Variants in DLG2 observed in about 807,000 individuals in gnomAD.
DLG2 encodes disks large homolog 2.
Under a neutral mutation model 132.5 loss-of-function variants are expected in DLG2, and 45 were observed. The ratio of observed to expected loss-of-function variants is 0.34; its 90% confidence interval spans 0.27 to 0.44. The LOEUF (loss-of-function observed/expected upper bound fraction) is 0.44, where lower values mean the gene tolerates loss of function less well. DLG2 is among the 20% of genes least tolerant of loss of function. The pLI is 1.00. For missense variants in DLG2, 1,045 were observed against 1,196.9 expected, an observed-to-expected ratio of 0.87 and a Z score of 1.87; for synonymous variants, 424 against 419.6, an observed-to-expected ratio of 1.01 and a Z score of -0.13.
rs60380267 is a variant in DLG2 at position 83,463,351 on chromosome 11, C to A, written c.2730-1258G>T. ...ACTCTTGTTGCTAAACTCATCTTGT[C>A]CTGAGGGGTGTTATGTATAATTTTT... On this transcript the variant is annotated intron_variant, in intron 26 of 27. Coordinates refer to ENST00000376104, the MANE Select transcript of DLG2 (RefSeq NM_001142699.3). Among the ~76,000 whole-genome samples, 1,080 of 151,894 alleles carry A rather than the reference C, an allele frequency of 7.1e-3. 11 individuals carry two copies. The highest frequency in any genetic ancestry group is 0.025 in the African/African-American group (1,027 of 41,420).
chr11:85,496,966 G>A (rs1280481502), intron 3 of DLG2, among the ~76,000 whole-genome samples: 11 of 152,042 alleles, frequency 7.2e-5, no homozygotes, highest in African/African-American at 2.4e-4. Flanking sequence ...CCACAAAGAC[G>A]GGGAGAAACC....
chr11:83,960,126 C>A (rs1346122065), intron 14 of DLG2, among the ~76,000 whole-genome samples: 3 of 152,018 alleles, frequency 2.0e-5, no homozygotes, highest in Non-Finnish European at 4.4e-5. Flanking sequence ...TATCCCACTA[C>A]CACAAATGCC....
intron 3 of DLG2, among the ~76,000 whole-genome samples, chr11:85,583,122 G>C (rs11821637): frequency 7.9e-4 from 39 of 49,154 alleles, no homozygotes; most frequent in African/African-American, 2.5e-3. Context: ...GTGTGTGTGT[G>C]TGTGTGTGTA....
At chr11:85,590,157 T>C (rs1274359217) in intron 3 of DLG2, among the ~76,000 whole-genome samples, 1 of 152,092 alleles carries the variant, frequency 6.6e-6, no homozygotes, top group Admixed American at 6.5e-5. Flanking sequence ...CAGAGCCTAA[T>C]GTGGTGTCTC....
At chr11:84,136,258 A>C (rs1321855849) in intron 9 of DLG2, among the ~76,000 whole-genome samples, 1 of 152,168 alleles carries the variant, frequency 6.6e-6, no homozygotes, top group African/African-American at 2.4e-5. Context: ...AAGAAAAATG[A>C]CTTTCATAGA....
intron 3 of DLG2, among the ~76,000 whole-genome samples, chr11:85,467,074 T>TG (rs1436875399): frequency 1.3e-5 from 2 of 152,208 alleles, no homozygotes; most frequent in African/African-American, 4.8e-5. Flanking sequence ...TTGAAGCAAC[T>TG]GTGAATGGGA....
chr11:84,255,822 T>C (rs2097459835), intron 7 of DLG2, among the ~76,000 whole-genome samples: 1 of 152,096 alleles, frequency 6.6e-6, no homozygotes, highest in African/African-American at 2.4e-5. Context: ...GCAAGATTTT[T>C]GAAACTATAA....
chr11:85,164,521 T>A (rs2078282480), intron 4 of DLG2, among the ~76,000 whole-genome samples: 1 of 152,196 alleles, frequency 6.6e-6, no homozygotes, highest in South Asian at 2.1e-4. Context: ...AATTATGCTC[T>A]CATAGAAATA....
intron 6 of DLG2, among the ~76,000 whole-genome samples, chr11:84,809,476 G>C (rs1269659738): frequency 6.6e-6 from 1 of 151,054 alleles, no homozygotes; most frequent in East Asian, 1.9e-4. Flanking sequence ...AAATAAGACT[G>C]TTCCTATTTG....
At chr11:85,251,935 A>C (rs2076415688) in intron 4 of DLG2, among the ~76,000 whole-genome samples, 1 of 152,202 alleles carries the variant, frequency 6.6e-6, no homozygotes, top group Non-Finnish European at 1.5e-5. Context: ...TTACATTAAA[A>C]AGACAATTAT....
chr11:83,745,604 C>T (rs1364486597), intron 18 of DLG2, among the ~76,000 whole-genome samples: 1 of 152,012 alleles, frequency 6.6e-6, no homozygotes, highest in African/African-American at 2.4e-5. Flanking sequence ...GAGTTCGAGA[C>T]CAGCCTGGCC....
rs576626730 is a variant in DLG2, at chr11:84,497,411, G to T, written c.519+37159C>A. Among the ~76,000 whole-genome samples, 139 of 152,202 alleles carry T rather than the reference G, an allele frequency of 9.1e-4. 1 individual carries two copies. Among genetic ancestry groups the T allele is most frequent in the African/African-American group, 3.2e-3 (131 of 41,522 alleles). On this transcript the variant is annotated intron_variant, in intron 7 of 27. Coordinates refer to ENST00000376104, the MANE Select transcript of DLG2 (RefSeq NM_001142699.3). ...ACCCTATGGACCCTATAGTCCCAGA[G>T]TTGGGACTCTACTTGAAGCATCCTA...
At chr11:83,911,059 G>C (rs1277180314) in intron 15 of DLG2, among the ~76,000 whole-genome samples, 1 of 152,124 alleles carries the variant, frequency 6.6e-6, no homozygotes, top group African/African-American at 2.4e-5. Flanking sequence ...CTCCAAAGAA[G>C]ATAGGCACTC....
chr11:84,014,830 T>C (rs1026458202), intron 11 of DLG2, among the ~76,000 whole-genome samples: 5 of 143,978 alleles, frequency 3.5e-5, no homozygotes, highest in African/African-American at 5.7e-5. Flanking sequence ...CTAATCCTGA[T>C]ACAGACTTTT....
intron 6 of DLG2, among the ~76,000 whole-genome samples, chr11:85,106,433 G>C (rs1364213595): frequency 6.6e-6 from 1 of 151,864 alleles, no homozygotes; most frequent in East Asian, 1.9e-4. Flanking sequence ...GTCTTAAAGA[G>C]TTGTATATTA....
intron 16 of DLG2, among the ~76,000 whole-genome samples, chr11:83,851,156 GAC>G (rs1281398664): frequency 2.8e-5 from 4 of 144,734 alleles, no homozygotes; most frequent in Non-Finnish European, 6.0e-5. Flanking sequence ...CAGCCTGGGT[GAC>G]AGAGTGAGAC....
At chr11:84,427,146 G>T (rs151047123) in intron 7 of DLG2, among the ~76,000 whole-genome samples, 49 of 152,206 alleles carry the variant, frequency 3.2e-4, no homozygotes, top group African/African-American at 1.2e-3. Flanking sequence ...GGCATCATTG[G>T]TGAAGAGGTA....
At chr11:84,811,789 T>C (rs2076588425) in intron 6 of DLG2, among the ~76,000 whole-genome samples, 1 of 152,172 alleles carries the variant, frequency 6.6e-6, no homozygotes, top group African/African-American at 2.4e-5. Context: ...TATTCAAATG[T>C]GAAAAAGACA....
chr11:84,919,226 T>C (rs2092642212), intron 6 of DLG2, among the ~76,000 whole-genome samples: 3 of 152,180 alleles, frequency 2.0e-5, no homozygotes, highest in South Asian at 4.1e-4. Flanking sequence ...GAACTTTTTA[T>C]AGGGTTCACA....
Sources: gnomAD v4.1 joint callset for allele counts (sites outside exome capture counted in the v4.1 genomes callset) on GRCh38, gnomAD v4.1.1 for gene constraint, MANE v1.5 for transcripts, NCBI Gene and HGNC (gene_info 2026-07-23, HGNC 2026-07-21) for gene names.